Variants in EGFR observed in about 807,000 individuals in gnomAD.
The protein encoded by EGFR is epidermal growth factor receptor, also known as avian erythroblastic leukemia viral (v-erb-b) oncogene homolog.
In EGFR, 58 loss-of-function variants were observed where a neutral mutation model predicts 143.0. That is an observed-to-expected ratio of 0.41 (90% CI 0.33 to 0.50). The LOEUF (loss-of-function observed/expected upper bound fraction) is 0.50, where lower values mean the gene tolerates loss of function less well. Ranked by LOEUF, EGFR falls within the 20% of genes least tolerant of loss-of-function variation. The pLI is 0.39. For synonymous variants in EGFR, 613 were observed against 594.4 expected (o/e 1.03, Z -0.45); for missense variants, 1,307 against 1,579.0 (o/e 0.83, Z 2.92).
rs762494280 is a variant in EGFR at position 55,174,024 on chromosome 7, C to T, written c.2165C>T (p.Ala722Val). 6.2e-6 allele frequency: 10 copies of T among 1,614,218 alleles called. No individual in the cohort carries two copies. Among genetic ancestry groups the T allele is most frequent in the Non-Finnish European group, 8.5e-6 (10 of 1,180,032 alleles). ...AAGATCAAAGTGCTGGGCTCCGGTG[C>T]GTTCGGCACGGTGTATAAGGTAAGG... ...FKKIKVLGSG[A>V]FGTVYKGLWI... is the part of the protein sequence containing the mutation. Residue 722 changes from alanine to valine, a missense_variant, in exon 18 of 28, where the codon GCG becomes GTG. Ala to Val is a moderately conservative substitution (Grantham distance 64). Coordinates refer to ENST00000275493, the MANE Select transcript of EGFR (RefSeq NM_005228.5).
intron 15 of EGFR, among the ~76,000 whole-genome samples, chr7:55,168,195 T>C (rs2128949192): frequency 6.6e-6 from 1 of 152,350 alleles, no homozygotes; most frequent in African/African-American, 2.4e-5. Flanking sequence ...ACGTAATCTA[T>C]TTCTATAAGC....
intron 21 of EGFR, among the ~76,000 whole-genome samples, chr7:55,192,142 C>T (rs1380550555): frequency 6.6e-6 from 1 of 152,130 alleles, no homozygotes; most frequent in Non-Finnish European, 1.5e-5. Flanking sequence ...TTCAGTCTCT[C>T]CCTGCAGGAT....
intron 4 of EGFR, 137 bp downstream of exon 4, chr7:55,146,877 C>A: frequency 7.8e-7 from 1 of 1,280,392 alleles, no homozygotes; most frequent in South Asian, 1.3e-5. Flanking sequence ...AATATCTGAC[C>A]ACTAGAAAAG....
chr7:55,145,134 CCCT>C (rs1287473232), intron 3 of EGFR, among the ~76,000 whole-genome samples: 1 of 152,164 alleles, frequency 6.6e-6, no homozygotes, highest in African/African-American at 2.4e-5. Context: ...CGTGTGCTGG[CCCT>C]CCTCTGGCAG....
chr7:55,143,530 G>C (rs746194430), intron 3 of EGFR, 42 bp downstream of exon 3: 2 of 1,609,616 alleles, frequency 1.2e-6, no homozygotes, highest in East Asian at 2.2e-5. Flanking sequence ...CATAAATGCA[G>C]ACAGCAGTTC....
intron 1 of EGFR, among the ~76,000 whole-genome samples, chr7:55,129,961 A>G (rs1368230243): frequency 1.3e-5 from 2 of 152,194 alleles, no homozygotes; most frequent in Non-Finnish European, 2.9e-5. Flanking sequence ...TTTTGCAAAT[A>G]AAGTTTTATT....
At chr7:55,077,215 T>C (rs1021646562) in intron 1 of EGFR, among the ~76,000 whole-genome samples, 6 of 152,198 alleles carry the variant, frequency 3.9e-5, no homozygotes, top group African/African-American at 1.4e-4. Flanking sequence ...GCAGTTTTAT[T>C]GACTACTATT....
chr7:55,152,272 T>G, intron 5 of EGFR: 1 of 620,502 alleles, frequency 1.6e-6, no homozygotes, highest in Non-Finnish European at 3.0e-6. Flanking sequence ...TCTTTGTATG[T>G]GCTTTCTGCA....
At chr7:55,116,570 G>A (rs1792860517) in intron 1 of EGFR, among the ~76,000 whole-genome samples, 1 of 152,076 alleles carries the variant, frequency 6.6e-6, no homozygotes, top group Non-Finnish European at 1.5e-5. Flanking sequence ...TCAAAGGTGT[G>A]TAATTTGGCC....
chr7:55,061,955 C>G (rs947047447), intron 1 of EGFR, among the ~76,000 whole-genome samples: 1 of 152,168 alleles, frequency 6.6e-6, no homozygotes, highest in Non-Finnish European at 1.5e-5. Flanking sequence ...GTTCGCTCAT[C>G]GCTGGAGGCC....
intron 4 of EGFR, among the ~76,000 whole-genome samples, chr7:55,147,302 G>A (rs1794817807): frequency 6.6e-6 from 1 of 152,226 alleles, no homozygotes; most frequent in African/African-American, 2.4e-5. Context: ...AGGGAACCAG[G>A]CGCAGGTCAG....
At chr7:55,181,219 C>G (rs1191264894) in intron 19 of EGFR, 74 bp from the exon 20 acceptor site, 1 of 1,545,654 alleles carries the variant, frequency 6.5e-7, no homozygotes, top group African/African-American at 1.4e-5. Flanking sequence ...GCGTCTTCAC[C>G]TGGAAGGGGT....
chr7:55,197,247 A>G (rs1465288162), intron 22 of EGFR, among the ~76,000 whole-genome samples: 1 of 152,056 alleles, frequency 6.6e-6, no homozygotes, highest in African/African-American at 2.4e-5. Context: ...CTGTATTTCT[A>G]GGTATTTTAT....
chr7:55,149,496 T>G (rs1794926702), intron 4 of EGFR, among the ~76,000 whole-genome samples: 1 of 152,168 alleles, frequency 6.6e-6, no homozygotes, highest in African/African-American at 2.4e-5. Flanking sequence ...TGCAAAGTAT[T>G]TGGGTTCCTT....
At chr7:55,142,243 G>A (rs2128926033) in intron 1 of EGFR, 43 bp from the exon 2 acceptor site, 1 of 1,612,814 alleles carries the variant, frequency 6.2e-7, no homozygotes, top group Non-Finnish European at 8.5e-7. Context: ...TAGTTTTTCT[G>A]CATTTCTCAG....
At chr7:55,152,427 G>A (rs1350279693) in intron 5 of EGFR, 119 bp from the exon 6 acceptor site, 26 of 930,048 alleles carry the variant, frequency 2.8e-5, no homozygotes, top group East Asian at 1.4e-4. Flanking sequence ...ATGTGGTTTC[G>A]TTGGAAGCAA....
At chr7:55,079,523 C>T (rs1007714791) in intron 1 of EGFR, among the ~76,000 whole-genome samples, 3 of 152,222 alleles carry the variant, frequency 2.0e-5, no homozygotes, top group Admixed American at 1.3e-4. Context: ...TTGAGACAGG[C>T]ACGCACTGGG....
intron 1 of EGFR, among the ~76,000 whole-genome samples, chr7:55,046,545 C>T (rs1788185435): frequency 6.6e-6 from 1 of 150,546 alleles, no homozygotes; most frequent in African/African-American, 2.4e-5. Context: ...TGTTTCTCGG[C>T]TCTGTTCCTT....
At chr7:55,145,246 G>C (rs542792795) in intron 3 of EGFR, among the ~76,000 whole-genome samples, 18 of 152,220 alleles carry the variant, frequency 1.2e-4, no homozygotes, top group African/African-American at 4.3e-4. Flanking sequence ...TCTGTTGTCC[G>C]AGCTGCCACA....
Sources: allele counts gnomAD v4.1 joint callset (sites outside exome capture counted in the v4.1 genomes callset), GRCh38; gene constraint gnomAD v4.1.1; transcripts MANE v1.5; gene names NCBI Gene and HGNC (gene_info 2026-07-23, HGNC 2026-07-21).